TENM3: variants seen among roughly 807,000 people sequenced by gnomAD.
TENM3 encodes the protein teneurin transmembrane protein 3.
In TENM3, 63 loss-of-function variants were observed where a neutral mutation model predicts 255.1. The ratio of observed to expected loss-of-function variants is 0.25; its 90% confidence interval spans 0.20 to 0.30. TENM3 has a LOEUF of 0.30. Ranked by LOEUF, TENM3 falls within the 10% of genes least tolerant of loss-of-function variation. The pLI is 1.00. For missense variants in TENM3, 2,929 were observed against 3,461.1 expected (o/e 0.85, Z 3.86); for synonymous variants, 1,306 against 1,322.3 (o/e 0.99, Z 0.27).
chr4:181,456,821 A>G, the TENM3 span, among the ~76,000 whole-genome samples: 2 of 151,982 alleles, frequency 1.3e-5, no homozygotes. Flanking sequence ...TCACAAGACT[A>G]CATTTATAAT....
intron 1 of TENM3, among the ~76,000 whole-genome samples, chr4:182,262,802 C>T (rs13120052): frequency 0.22 from 33,655 of 149,658 alleles, 4,264 homozygotes; most frequent in Middle Eastern, 0.29. Flanking sequence ...CAAGCTCCGC[C>T]TCCCGGGTTC....
intron 4 of TENM3, among the ~76,000 whole-genome samples, chr4:182,616,573 G>T (rs1749551622): frequency 9.7e-6 from 1 of 102,802 alleles, no homozygotes; most frequent in African/African-American, 3.5e-5. Flanking sequence ...GGCTAACACA[G>T]TGAAAAAAAA....
intron 3 of TENM3, among the ~76,000 whole-genome samples, chr4:182,438,073 A>AG (rs2151235241): frequency 6.6e-6 from 1 of 152,292 alleles, no homozygotes; most frequent in African/African-American, 2.4e-5. Context: ...TTCTTTTTAG[A>AG]GGGAAAAAAT....
chr4:181,792,277 A>G, the TENM3 span, among the ~76,000 whole-genome samples: 1 of 152,222 alleles, frequency 6.6e-6, no homozygotes, highest in Non-Finnish European at 1.5e-5. Context: ...AAATAGGAAA[A>G]CATAAACATT....
chr4:182,761,594 A>G (rs1763198903), intron 22 of TENM3, among the ~76,000 whole-genome samples: 1 of 145,738 alleles, frequency 6.9e-6, no homozygotes, highest in Admixed American at 6.6e-5. Flanking sequence ...TTATAAGTAT[A>G]TATGTATACA....
chr4:181,917,619 G>A, the TENM3 span, among the ~76,000 whole-genome samples: 10 of 150,786 alleles, frequency 6.6e-5, no homozygotes, highest in African/African-American at 9.7e-5. Flanking sequence ...CCAACTCAGC[G>A]CTCAGCATCT....
chr4:181,828,016 AAG>A, the TENM3 span, among the ~76,000 whole-genome samples: 1 of 152,186 alleles, frequency 6.6e-6, no homozygotes, highest in African/African-American at 2.4e-5. Flanking sequence ...GGCTTCCAGA[AAG>A]AGAGTTCTGC....
chr4:181,984,832 G>A, the TENM3 span, among the ~76,000 whole-genome samples: 2 of 122,248 alleles, frequency 1.6e-5, no homozygotes, highest in Non-Finnish European at 3.5e-5. Context: ...GTGTGTGTGT[G>A]TGCCTTTGAA....
chr4:181,503,833 C>A, the TENM3 span, among the ~76,000 whole-genome samples: 2 of 152,172 alleles, frequency 1.3e-5, no homozygotes, highest in African/African-American at 4.8e-5. Context: ...CCTTTCTGAC[C>A]ACAGTAGCTG....
intron 5 of TENM3, among the ~76,000 whole-genome samples, chr4:182,651,735 T>A (rs1288656523): frequency 1.3e-5 from 2 of 152,054 alleles, no homozygotes; most frequent in African/African-American, 4.8e-5. Context: ...GAGGAATTGC[T>A]GGCCAAGGAC....
chr4:181,826,825 G>A, the TENM3 span, among the ~76,000 whole-genome samples: 2 of 152,194 alleles, frequency 1.3e-5, no homozygotes, highest in Non-Finnish European at 2.9e-5. Flanking sequence ...CGATTTTAAT[G>A]TGCAACCAGG....
the TENM3 span, among the ~76,000 whole-genome samples, chr4:181,806,751 G>A: frequency 1.3e-5 from 2 of 152,192 alleles, no homozygotes; most frequent in Non-Finnish European, 2.9e-5. Flanking sequence ...AAATTACCCA[G>A]TTTCACGTGT....
the TENM3 span, among the ~76,000 whole-genome samples, chr4:182,084,201 A>T: frequency 4.0e-3 from 610 of 152,284 alleles, 6 homozygotes; most frequent in Non-Finnish European, 5.9e-3. Flanking sequence ...CTGGGGGGAA[A>T]AAATAAGCTG....
chr4:181,870,005 A>G, the TENM3 span, among the ~76,000 whole-genome samples: 1 of 152,132 alleles, frequency 6.6e-6, no homozygotes, highest in Non-Finnish European at 1.5e-5. Flanking sequence ...ACAACCAATG[A>G]ACAAGCACCG....
chr4:182,474,580 C>T (rs921985146), intron 3 of TENM3, among the ~76,000 whole-genome samples: 1 of 152,080 alleles, frequency 6.6e-6, no homozygotes, highest in Admixed American at 6.5e-5. Flanking sequence ...TGAAAATTAC[C>T]GACATAAATC....
the TENM3 span, among the ~76,000 whole-genome samples, chr4:181,615,033 G>A: frequency 6.6e-6 from 1 of 152,196 alleles, no homozygotes; most frequent in African/African-American, 2.4e-5. Context: ...GAGACAGGAT[G>A]TAGAATCCAC....
At chr4:181,543,209 C>A in the TENM3 span, among the ~76,000 whole-genome samples, 2 of 152,170 alleles carry the variant, frequency 1.3e-5, no homozygotes, top group Non-Finnish European at 2.9e-5. Flanking sequence ...GAAATTCCTT[C>A]AAACGTGTGT....
chr4:181,581,283 A>G, the TENM3 span, among the ~76,000 whole-genome samples: 2 of 152,250 alleles, frequency 1.3e-5, no homozygotes, highest in Non-Finnish European at 2.9e-5. Context: ...TCTGTGAAAA[A>G]TACAGAAATT....
intron 24 of TENM3, among the ~76,000 whole-genome samples, chr4:182,782,841 GT>G (rs1765286405): frequency 6.9e-6 from 1 of 144,570 alleles, no homozygotes; most frequent in African/African-American, 2.6e-5. Context: ...ATCTTTGTTG[GT>G]TTAAAGTCTG....
Sources: gnomAD v4.1 joint callset for allele counts (sites outside exome capture counted in the v4.1 genomes callset) on GRCh38, gnomAD v4.1.1 for gene constraint, MANE v1.5 for transcripts, NCBI Gene and HGNC (gene_info 2026-07-23, HGNC 2026-07-21) for gene names.